The following RNGTT variants were observed in gnomAD, a reference collection of about 807,000 sequenced individuals.
RNGTT encodes mRNA-capping enzyme.
RNGTT carries 33 observed loss-of-function variants against 79.3 expected under a neutral mutation model. The observed-to-expected ratio is 0.42, with a 90% CI of 0.32 to 0.56. The LOEUF (loss-of-function observed/expected upper bound fraction) is 0.56, where lower values mean the gene tolerates loss of function less well. Among genes scored for constraint, RNGTT ranks in the 20% least tolerant of loss-of-function variants. RNGTT has a pLI of 0.17. For synonymous variants in RNGTT, 222 were observed against 235.9 expected, an observed-to-expected ratio of 0.94 and a Z score of 0.54; for missense variants, 497 against 739.1, an observed-to-expected ratio of 0.67 and a Z score of 3.80.
chr6:88,906,544 A>G (rs762366384), intron 4 of RNGTT, 104 bp from the exon 5 acceptor site: 60 of 638,552 alleles, frequency 9.4e-5, no homozygotes, highest in Non-Finnish European at 1.6e-4. Flanking sequence ...TAGTTTATAA[A>G]ATAATTACAT....
At chr6:88,833,958 T>G (rs1485003053) in intron 11 of RNGTT, among the ~76,000 whole-genome samples, 1 of 152,130 alleles carries the variant, frequency 6.6e-6, no homozygotes, top group Non-Finnish European at 1.5e-5. Flanking sequence ...GAGGCAGAAG[T>G]TGCAGTGAGC....
chr6:88,662,130 G>A (rs1774209907), intron 14 of RNGTT, among the ~76,000 whole-genome samples: 1 of 152,180 alleles, frequency 6.6e-6, no homozygotes, highest in South Asian at 2.1e-4. Context: ...ACAACCCTAG[G>A]CAAAATCGGC....
At chr6:88,818,569 C>T (rs1582499059) in intron 11 of RNGTT, among the ~76,000 whole-genome samples, 4 of 152,154 alleles carry the variant, frequency 2.6e-5, no homozygotes, top group African/African-American at 9.7e-5. Flanking sequence ...GAGTGAAACT[C>T]CGACTCATAG....
At chr6:88,712,420 C>T (rs993731701) in intron 13 of RNGTT, among the ~76,000 whole-genome samples, 51 of 152,268 alleles carry the variant, frequency 3.3e-4, no homozygotes, top group African/African-American at 1.2e-3. Flanking sequence ...ATCCTCCCAC[C>T]TCAGCCTTCC....
intron 8 of RNGTT, among the ~76,000 whole-genome samples, chr6:88,863,234 G>A (rs903705964): frequency 2.0e-4 from 31 of 152,250 alleles, no homozygotes; most frequent in African/African-American, 7.5e-4. Context: ...TAAACGGCAG[G>A]CCAGCAGCAT....
intron 13 of RNGTT, among the ~76,000 whole-genome samples, chr6:88,729,072 G>C (rs7753081): frequency 2.0e-5 from 3 of 152,002 alleles, no homozygotes; most frequent in Non-Finnish European, 4.4e-5. Context: ...TGCCAAGCTC[G>C]CTCTCTGCTA....
At position 88,963,434 on chromosome 6, in the gene RNGTT, C is replaced by T; in HGVS notation, c.-25G>A. On this transcript the variant is annotated 5_prime_UTR_variant, in exon 1 of 16. Coordinates refer to ENST00000369485, the MANE Select transcript of RNGTT (RefSeq NM_003800.5). The stretch of plus-strand genomic sequence containing the variant: ...TGTCTTGGGGCTGCGCAGAGCTGCC[C>T]TCCCTCACCAACGTTCACCGCGCCT... 6.5e-7 allele frequency: 1 copy of T among 1,544,684 alleles called. No homozygotes were observed. Among genetic ancestry groups the T allele is most frequent in the Non-Finnish European group, 8.8e-7 (1 of 1,141,470 alleles).
chr6:88,614,171 C>T (rs920920532), intron 15 of RNGTT, 101 bp downstream of exon 15: 5 of 1,103,796 alleles, frequency 4.5e-6, no homozygotes, highest in Non-Finnish European at 6.6e-6. Flanking sequence ...GTCCAAATGA[C>T]TATGCCCCAT....
chr6:88,849,708 T>A (rs1224362180), intron 10 of RNGTT, 47 bp downstream of exon 10: 3 of 1,449,270 alleles, frequency 2.1e-6, no homozygotes, highest in Non-Finnish European at 1.8e-6. Flanking sequence ...AAAAATACAT[T>A]CATTATTTCA....
intron 11 of RNGTT, among the ~76,000 whole-genome samples, chr6:88,812,714 T>A (rs1226261740): frequency 6.6e-6 from 1 of 152,216 alleles, no homozygotes; most frequent in African/African-American, 2.4e-5. Flanking sequence ...CTACAAGCAG[T>A]CAAATTCAAC....
At chr6:88,739,576 T>C (rs1380023464) in intron 13 of RNGTT, among the ~76,000 whole-genome samples, 2 of 151,716 alleles carry the variant, frequency 1.3e-5, no homozygotes, top group Non-Finnish European at 2.9e-5. Context: ...TTCTAACATG[T>C]GACAAAGACA....
chr6:88,924,887 C>A (rs1784271852), intron 4 of RNGTT, among the ~76,000 whole-genome samples: 1 of 152,012 alleles, frequency 6.6e-6, no homozygotes. Context: ...CTGCACTTGG[C>A]TAATTTTTTT....
chr6:88,816,612 C>G (rs1780321901), intron 11 of RNGTT, among the ~76,000 whole-genome samples: 1 of 152,068 alleles, frequency 6.6e-6, no homozygotes, highest in Non-Finnish European at 1.5e-5. Context: ...AAGCAATGTA[C>G]TTAAACCAAT....
At chr6:88,756,208 C>T (rs1275704878) in intron 13 of RNGTT, among the ~76,000 whole-genome samples, 4 of 151,854 alleles carry the variant, frequency 2.6e-5, no homozygotes, top group African/African-American at 9.7e-5. Flanking sequence ...GGCTTGGTGG[C>T]TCATGTCTGT....
chr6:88,819,104 CTA>C (rs1780419787), intron 11 of RNGTT, among the ~76,000 whole-genome samples: 1 of 152,014 alleles, frequency 6.6e-6, no homozygotes, highest in African/African-American at 2.4e-5. Flanking sequence ...ATTATAACAT[CTA>C]TGAGACCTAG....
At chr6:88,704,300 C>CCTTTGTT (rs1283638903) in intron 13 of RNGTT, among the ~76,000 whole-genome samples, 1 of 145,140 alleles carries the variant, frequency 6.9e-6, no homozygotes, top group African/African-American at 2.5e-5. Context: ...AGACTTCAAT[C>CCTTTGTT]CTTTGTTTTG....
chr6:88,887,109 T>G (rs1782889300), intron 8 of RNGTT, among the ~76,000 whole-genome samples: 1 of 151,344 alleles, frequency 6.6e-6, no homozygotes, highest in Non-Finnish European at 1.5e-5. Context: ...CCTCAGGCCT[T>G]GGTCAGGCTA....
chr6:88,725,999 AAG>A (rs548209314), intron 13 of RNGTT, among the ~76,000 whole-genome samples: 1 of 151,974 alleles, frequency 6.6e-6, no homozygotes, highest in South Asian at 2.1e-4. Context: ...GAGAAAGACA[AAG>A]AGGAAATCAG....
intron 14 of RNGTT, among the ~76,000 whole-genome samples, chr6:88,629,571 G>C (rs1562157881): frequency 6.6e-6 from 1 of 152,048 alleles, no homozygotes; most frequent in Non-Finnish European, 1.5e-5. Flanking sequence ...GTTCCAGTGA[G>C]GGTAAGGAGA....
Sources: allele counts gnomAD v4.1 joint callset (sites outside exome capture counted in the v4.1 genomes callset), GRCh38; gene constraint gnomAD v4.1.1; transcripts MANE v1.5; gene names NCBI Gene and HGNC (gene_info 2026-07-23, HGNC 2026-07-21).